The following LYPLAL1 variants were observed in gnomAD, a reference collection of about 807,000 sequenced individuals.
LYPLAL1 encodes lysophospholipase like 1, also known as lysophospholipase-like protein 1.
LYPLAL1 carries 23 observed loss-of-function variants against 19.7 expected under a neutral mutation model. The observed-to-expected ratio is 1.17, with a 90% CI of 0.84 to 1.65. LYPLAL1 has a LOEUF of 1.65. LYPLAL1 is among the 40% of genes most tolerant of loss of function. The pLI, the probability that LYPLAL1 is intolerant of heterozygous loss-of-function variation, is 0.00. For missense variants in LYPLAL1, 355 were observed against 279.4 expected (o/e 1.27, Z -1.93); for synonymous variants, 119 against 96.3 (o/e 1.24, Z -1.38).
the LYPLAL1 span, among the ~76,000 whole-genome samples, chr1:219,385,577 A>G: frequency 7.1e-6 from 1 of 140,282 alleles, no homozygotes; most frequent in Non-Finnish European, 1.7e-5. Flanking sequence ...TGTAGAAAAA[A>G]GTGTTTGGGG....
the LYPLAL1 span, among the ~76,000 whole-genome samples, chr1:219,270,073 G>C: frequency 9.8e-5 from 15 of 152,344 alleles, no homozygotes; most frequent in African/African-American, 3.6e-4. Flanking sequence ...ATAAAGGCTA[G>C]ATTCTGGCTG....
chr1:219,358,763 G>A, the LYPLAL1 span, among the ~76,000 whole-genome samples: 3 of 152,050 alleles, frequency 2.0e-5, no homozygotes, highest in South Asian at 2.1e-4. Context: ...TGAGATTTTG[G>A]TGGGGACACA....
intron 2 of LYPLAL1, among the ~76,000 whole-genome samples, chr1:219,192,537 TC>T (rs1267447569): frequency 6.6e-5 from 10 of 151,760 alleles, no homozygotes; most frequent in African/African-American, 2.4e-4. Context: ...GTGCAACTCT[TC>T]CGTTTTTCAT....
At chr1:219,360,475 C>T in the LYPLAL1 span, among the ~76,000 whole-genome samples, 78,975 of 151,894 alleles carry the variant, frequency 0.52, 21,251 homozygotes, top group East Asian at 0.84. Context: ...CATATGAAAG[C>T]GTAAGTTCCT....
the LYPLAL1 span, among the ~76,000 whole-genome samples, chr1:219,428,231 A>T: frequency 6.6e-6 from 1 of 152,168 alleles, no homozygotes; most frequent in East Asian, 1.9e-4. Context: ...CAGTTATCTC[A>T]TCAAAATGCC....
intron 2 of LYPLAL1, among the ~76,000 whole-genome samples, chr1:219,186,723 G>C (rs1454670413): frequency 6.6e-6 from 1 of 151,164 alleles, no homozygotes; most frequent in Non-Finnish European, 1.5e-5. Flanking sequence ...CCATTCTTTT[G>C]CTTTTAACCT....
the LYPLAL1 span, among the ~76,000 whole-genome samples, chr1:219,439,740 C>T: frequency 6.6e-6 from 1 of 151,908 alleles, no homozygotes; most frequent in Non-Finnish European, 1.5e-5. Flanking sequence ...TGCAGAGCAT[C>T]CTTGCTGTTG....
In LYPLAL1 at chr1:219,173,925, GTA is replaced by G; in HGVS notation, c.37_38del (p.Ile13ArgfsTer8). On this transcript the variant is annotated frameshift_variant, in exon 1 of 5. Transcript: ENST00000366928. LOFTEE classifies it high-confidence loss of function. ...GCGTCGGGGTCGGTTCTGCAGCGCTGTATCGTGTCGCCGGCAGGGAGGCATAG... is the reference window on the plus strand; with the variant it reads ...GCGTCGGGGTCGGTTCTGCAGCGCTGTCGTGTCGCCGGCAGGGAGGCATAG... 1 of 1,613,800 alleles carries G rather than the reference GTA, an allele frequency of 6.2e-7. No individual in the cohort carries two copies. The highest frequency in any genetic ancestry group is 2.2e-5 in the East Asian group (1 of 44,868).
chr1:219,263,586 C>T, the LYPLAL1 span, among the ~76,000 whole-genome samples: 16 of 152,220 alleles, frequency 1.1e-4, no homozygotes, highest in African/African-American at 3.9e-4. Context: ...CAGTGGGAAG[C>T]TTCTTTCACC....
In LYPLAL1 at chr1:219,202,021, A is replaced by G. The variant is rs1658150512; in HGVS notation, c.362-8511A>G. On this transcript the variant is annotated intron_variant, in intron 3 of 4. Transcript: ENST00000366928. ...AGTGATCTAGCTGAACTTCTCATGT[A>G]TGTATTCCCTGAGTTAGAAACATCA... is the stretch of plus-strand genomic sequence containing the variant. Among the ~76,000 whole-genome samples the G allele has an allele frequency of 3.3e-5, 5 of 152,166 alleles. No individual in the cohort carries two copies. The South Asian group carries it at 1.0e-3, about 32-fold the overall frequency.
intron 4 of LYPLAL1, 60 bp from the exon 5 acceptor site, chr1:219,211,432 C>T (rs538758334): frequency 6.6e-5 from 76 of 1,147,942 alleles, no homozygotes; most frequent in Admixed American, 6.0e-4. Flanking sequence ...TCTCTGATTT[C>T]TAAGAATGAT....
At chr1:219,440,418 A>G in the LYPLAL1 span, among the ~76,000 whole-genome samples, 1 of 152,150 alleles carries the variant, frequency 6.6e-6, no homozygotes, top group Non-Finnish European at 1.5e-5. Flanking sequence ...AAGGAAATGT[A>G]CAAAATGAGC....
chr1:219,383,732 A>G, the LYPLAL1 span, among the ~76,000 whole-genome samples: 1 of 152,238 alleles, frequency 6.6e-6, no homozygotes, highest in Non-Finnish European at 1.5e-5. Flanking sequence ...CTCAACTTTC[A>G]TAGTAGCATA....
At chr1:219,308,609 C>T in the LYPLAL1 span, among the ~76,000 whole-genome samples, 21 of 152,186 alleles carry the variant, frequency 1.4e-4, no homozygotes, top group Non-Finnish European at 2.1e-4. Flanking sequence ...AAGGCGCCAA[C>T]GTAGAGCTCG....
At chr1:219,218,961 CCTT>C in the LYPLAL1 span, among the ~76,000 whole-genome samples, 1 of 152,102 alleles carries the variant, frequency 6.6e-6, no homozygotes, top group Non-Finnish European at 1.5e-5. Context: ...CTGTCCTCCT[CCTT>C]AAGTTTCTGT....
the LYPLAL1 span, among the ~76,000 whole-genome samples, chr1:219,263,990 G>C: frequency 6.6e-5 from 10 of 152,274 alleles, no homozygotes; most frequent in African/African-American, 2.4e-4. Context: ...TTCATAGTGT[G>C]AGTCTTCACA....
chr1:219,281,873 C>T, the LYPLAL1 span, among the ~76,000 whole-genome samples: 3 of 152,146 alleles, frequency 2.0e-5, no homozygotes, highest in South Asian at 6.2e-4. Context: ...GGAAAGGGGA[C>T]GTCATCCCCA....
At chr1:219,219,724 G>C in the LYPLAL1 span, among the ~76,000 whole-genome samples, 2 of 152,070 alleles carry the variant, frequency 1.3e-5, no homozygotes, top group Non-Finnish European at 2.9e-5. Context: ...GTGTGTGTGT[G>C]TGTGCATGTG....
chr1:219,370,331 C>A, the LYPLAL1 span, among the ~76,000 whole-genome samples: 1 of 152,160 alleles, frequency 6.6e-6, no homozygotes, highest in Non-Finnish European at 1.5e-5. Flanking sequence ...TTCACCTGTG[C>A]TTTCTTTTCT....
Sources: gnomAD v4.1 joint callset for allele counts (sites outside exome capture counted in the v4.1 genomes callset) on GRCh38, gnomAD v4.1.1 for gene constraint, MANE v1.5 for transcripts, NCBI Gene and HGNC (gene_info 2026-07-23, HGNC 2026-07-21) for gene names.